Variants in KCND2 observed in about 807,000 individuals in gnomAD.
The protein encoded by KCND2 is A-type voltage-gated potassium channel KCND2.
A neutral mutation model predicts 54.4 loss-of-function variants in KCND2; 16 were observed. The ratio of observed to expected loss-of-function variants is 0.29; its 90% CI spans 0.20 to 0.45. The LOEUF is 0.45. KCND2 is among the 20% of genes least tolerant of loss of function. KCND2 has a pLI of 1.00. For missense variants in KCND2, 486 were observed against 824.2 expected, an observed-to-expected ratio of 0.59 and a Z score of 5.02; for synonymous variants, 317 against 310.7, an observed-to-expected ratio of 1.02 and a Z score of -0.21.
intron 1 of KCND2, among the ~76,000 whole-genome samples, chr7:120,688,198 TTATACTC>T (rs1792227715): frequency 1.3e-5 from 2 of 152,170 alleles, no homozygotes; most frequent in Non-Finnish European, 2.9e-5. Context: ...GTTATGTAAA[TTATACTC>T]TATACTAAGG....
chr7:120,458,912 AATT>A (rs1426474150), intron 1 of KCND2, among the ~76,000 whole-genome samples: 1 of 151,026 alleles, frequency 6.6e-6, no homozygotes, highest in Non-Finnish European at 1.5e-5. Context: ...AGGAAGTAAT[AATT>A]ATTATATTCT....
chr7:120,503,346 T>G (rs1802964343), intron 1 of KCND2, among the ~76,000 whole-genome samples: 1 of 151,820 alleles, frequency 6.6e-6, no homozygotes, highest in South Asian at 2.1e-4. Context: ...TTTCAGAGTT[T>G]ACATTTCAAA....
At chr7:120,296,605 T>A (rs948872217) in intron 1 of KCND2, among the ~76,000 whole-genome samples, 8 of 152,108 alleles carry the variant, frequency 5.3e-5, no homozygotes, top group African/African-American at 1.9e-4. Context: ...TAATAATGAA[T>A]TCTTTATAGT....
At chr7:120,541,730 T>C (rs1791981620) in intron 1 of KCND2, among the ~76,000 whole-genome samples, 1 of 152,068 alleles carries the variant, frequency 6.6e-6, no homozygotes, top group African/African-American at 2.4e-5. Flanking sequence ...TCTCAGTGGA[T>C]TGCATAAGCA....
Position 120,545,471 on chromosome 7 carries a change from A to G in KCND2, c.1116-187432A>G, listed in dbSNP as rs753306857. Reference sequence around the variant, plus strand: ...TCATTATGTAAATTATATGAGTAAAATCTTCTTTTCTGATTCTGTTAAGCT... The same window carrying G: ...TCATTATGTAAATTATATGAGTAAAGTCTTCTTTTCTGATTCTGTTAAGCT... On this transcript the variant is annotated intron_variant, in intron 1 of 5. Coordinates refer to ENST00000331113, the MANE Select transcript of KCND2 (RefSeq NM_012281.3). Among the ~76,000 whole-genome samples, 23 of 151,936 alleles carry G rather than the reference A, an allele frequency of 1.5e-4. 1 individual carries two copies. The highest frequency in any genetic ancestry group is 3.1e-4 in the Non-Finnish European group (21 of 67,842).
At chr7:120,738,368 C>T (rs1009350095) in intron 2 of KCND2, among the ~76,000 whole-genome samples, 1 of 151,976 alleles carries the variant, frequency 6.6e-6, no homozygotes, top group Non-Finnish European at 1.5e-5. Context: ...TTGGAACCAA[C>T]TTTGAGAAAT....
At chr7:120,358,244 A>G (rs1800536489) in intron 1 of KCND2, among the ~76,000 whole-genome samples, 1 of 152,104 alleles carries the variant, frequency 6.6e-6, no homozygotes, top group Non-Finnish European at 1.5e-5. Flanking sequence ...GATGGTGATG[A>G]CCTTGAAAAA....
chr7:120,327,477 C>T (rs1027244684), intron 1 of KCND2, among the ~76,000 whole-genome samples: 2 of 152,080 alleles, frequency 1.3e-5, no homozygotes, highest in African/African-American at 2.4e-5. Flanking sequence ...TTCTTCCAAA[C>T]TGTAAATAGG....
intron 1 of KCND2, among the ~76,000 whole-genome samples, chr7:120,597,307 C>A (rs971142251): frequency 1.3e-5 from 2 of 151,966 alleles, no homozygotes; most frequent in African/African-American, 4.8e-5. Flanking sequence ...AGTTTCTAGT[C>A]CAAACAAAGA....
chr7:120,319,319 A>G (rs529255774), intron 1 of KCND2, among the ~76,000 whole-genome samples: 22 of 152,230 alleles, frequency 1.4e-4, no homozygotes, highest in Non-Finnish European at 2.9e-4. Context: ...TTTTTAATAG[A>G]CAAGTAGAAA....
intron 1 of KCND2, among the ~76,000 whole-genome samples, chr7:120,431,573 C>G (rs981768192): frequency 1.3e-5 from 2 of 152,110 alleles, no homozygotes; most frequent in Non-Finnish European, 2.9e-5. Flanking sequence ...GATCATCTCG[C>G]AATTCTTGTG....
intron 1 of KCND2, among the ~76,000 whole-genome samples, chr7:120,726,853 C>G (rs890621036): frequency 6.6e-6 from 1 of 152,104 alleles, no homozygotes; most frequent in Non-Finnish European, 1.5e-5. Context: ...TTCCTTATAC[C>G]TAGTAATTCA....
intron 1 of KCND2, among the ~76,000 whole-genome samples, chr7:120,602,856 C>G (rs1304536144): frequency 6.6e-6 from 1 of 152,148 alleles, no homozygotes; most frequent in Non-Finnish European, 1.5e-5. Context: ...CATACAGAAG[C>G]AGTTCGTGAG....
chr7:120,551,711 C>G (rs1034634565), intron 1 of KCND2, among the ~76,000 whole-genome samples: 4 of 152,184 alleles, frequency 2.6e-5, no homozygotes, highest in Non-Finnish European at 5.9e-5. Context: ...TTCCTGCTAT[C>G]AAACTGTGCC....
intron 1 of KCND2, among the ~76,000 whole-genome samples, chr7:120,394,647 G>T (rs1293705594): frequency 6.6e-6 from 1 of 151,948 alleles, no homozygotes; most frequent in East Asian, 1.9e-4. Flanking sequence ...TATTATCATT[G>T]TGTCTTCAGA....
intron 1 of KCND2, among the ~76,000 whole-genome samples, chr7:120,565,601 T>A (rs939818661): frequency 1.4e-4 from 22 of 152,332 alleles, no homozygotes; most frequent in African/African-American, 5.3e-4. Flanking sequence ...GTAAGAGTAA[T>A]TCTGCATGGG....
intron 1 of KCND2, among the ~76,000 whole-genome samples, chr7:120,570,301 T>C (rs1792346967): frequency 6.6e-6 from 1 of 152,006 alleles, no homozygotes; most frequent in Admixed American, 6.6e-5. Context: ...ATATTACCTA[T>C]TGGAGACAAT....
At chr7:120,501,713 A>G (rs1328997616) in intron 1 of KCND2, among the ~76,000 whole-genome samples, 1 of 152,060 alleles carries the variant, frequency 6.6e-6, no homozygotes, top group African/African-American at 2.4e-5. Flanking sequence ...AACGTAAGAA[A>G]CTCGATAAGC....
At chr7:120,273,109 G>A (rs1376056567), upstream of KCND2, among the ~76,000 whole-genome samples, 2 of 152,188 alleles carry the variant, frequency 1.3e-5, no homozygotes, top group East Asian at 1.9e-4. Flanking sequence ...GGGGTGGAGC[G>A]AGAGGAGCCC....
Sources: gnomAD v4.1 joint callset for allele counts (sites outside exome capture counted in the v4.1 genomes callset) on GRCh38, gnomAD v4.1.1 for gene constraint, MANE v1.5 for transcripts, NCBI Gene and HGNC (gene_info 2026-07-23, HGNC 2026-07-21) for gene names.